The following RIT2 variants were observed in gnomAD, a reference collection of about 807,000 sequenced individuals.
RIT2 encodes Ras like without CAAX 2.
In RIT2, 24 loss-of-function variants were observed where a neutral mutation model predicts 23.7. The ratio of observed to expected loss-of-function variants is 1.01; its 90% CI spans 0.73 to 1.43. RIT2 has a LOEUF of 1.43. Among genes scored for constraint, RIT2 ranks in the 40% most tolerant of loss-of-function variants. The pLI, the probability that RIT2 is intolerant of heterozygous loss-of-function variation, is 0.00. For synonymous variants in RIT2, 107 were observed against 91.1 expected, an observed-to-expected ratio of 1.17 and a Z score of -0.99; for missense variants, 236 against 266.9, an observed-to-expected ratio of 0.88 and a Z score of 0.81.
rs1165731741 is a variant in RIT2, at chr18:43,061,514, C to G, written c.104-27647G>C. ...CCCCTGTGAAACCTGACCTTCAAGC[C>G]AAGAACAGTCTAAAGTCTAAAAACT... On this transcript the variant is annotated intron_variant, in intron 1 of 4. Transcript: ENST00000326695. Among the ~76,000 whole-genome samples the G allele has an allele frequency of 3.3e-5, 5 of 152,210 alleles. No individual in the cohort carries two copies. The East Asian group carries it at 9.7e-4, about 29-fold the overall frequency.
chr18:42,873,641 G>T (rs926785714), intron 4 of RIT2, among the ~76,000 whole-genome samples: 1 of 151,844 alleles, frequency 6.6e-6, no homozygotes, highest in African/African-American at 2.4e-5. Flanking sequence ...AAAAAGATGA[G>T]AATACATTAA....
chr18:42,851,533 T>C (rs906462913), intron 4 of RIT2, among the ~76,000 whole-genome samples: 1 of 151,994 alleles, frequency 6.6e-6, no homozygotes, highest in East Asian at 1.9e-4. Flanking sequence ...TGGTTTTCAA[T>C]TTTTTTTAAC....
intron 4 of RIT2, among the ~76,000 whole-genome samples, chr18:42,800,932 A>G (rs549336067): frequency 1.1e-4 from 16 of 152,132 alleles, no homozygotes; most frequent in African/African-American, 3.6e-4. Context: ...TCTCTACTTC[A>G]TTCTGTTAAT....
At chr18:43,076,602 T>A (rs1913024383) in intron 1 of RIT2, among the ~76,000 whole-genome samples, 1 of 152,046 alleles carries the variant, frequency 6.6e-6, no homozygotes, top group South Asian at 2.1e-4. Flanking sequence ...ACTGTGCAGG[T>A]CATTGAGGGT....
intron 4 of RIT2, among the ~76,000 whole-genome samples, chr18:42,830,354 T>G (rs530337545): frequency 6.6e-6 from 1 of 152,206 alleles, no homozygotes; most frequent in Non-Finnish European, 1.5e-5. Flanking sequence ...ACATTTGGAA[T>G]GGCAGTTTGA....
chr18:43,045,065 T>C (rs543877719), intron 1 of RIT2, among the ~76,000 whole-genome samples: 5 of 152,210 alleles, frequency 3.3e-5, no homozygotes, highest in African/African-American at 1.2e-4. Flanking sequence ...TTTTCACTAA[T>C]ATTTTCTCAA....
At position 42,743,341 on chromosome 18, in the gene RIT2, G is replaced by A. The variant is rs1912836289; in HGVS notation, c.*152C>T. On this transcript the variant is annotated 3_prime_UTR_variant, in exon 5 of 5. Coordinates refer to ENST00000326695, the MANE Select transcript of RIT2 (RefSeq NM_002930.4). ...TAAAGGCAAAACAAAACTATCTCAA[G>A]AGGTACAGATATGCAGAGCTTGCTT... 2 of 628,194 alleles carry A rather than the reference G, an allele frequency of 3.2e-6. No homozygotes were observed. Among genetic ancestry groups the A allele is most frequent in the Non-Finnish European group, 5.6e-6 (2 of 360,134 alleles). 38.9% of individuals were successfully genotyped at this position (628,194 alleles called of 1,614,324 possible). A position where few individuals can be genotyped will look rare whatever the true frequency, so the allele number is the denominator to read the frequency against.
At chr18:42,906,525 A>T (rs1052538373) in intron 4 of RIT2, among the ~76,000 whole-genome samples, 1 of 152,082 alleles carries the variant, frequency 6.6e-6, no homozygotes, top group African/African-American at 2.4e-5. Flanking sequence ...GGTAATTCTT[A>T]ATTTAAAAAG....
rs141058378 is a variant in RIT2, at chr18:42,862,845, C to T, written c.426+60727G>A. Among the ~76,000 whole-genome samples, 13 of 152,280 alleles carry T rather than the reference C, an allele frequency of 8.5e-5. No individual in the cohort carries two copies. In the East Asian group the frequency reaches 2.5e-3, roughly 29 times the overall value. On this transcript the variant is annotated intron_variant, in intron 4 of 4. Coordinates refer to ENST00000326695, the MANE Select transcript of RIT2 (RefSeq NM_002930.4). ...AACTCTCTATTCTGGGTTTATATAA[C>T]TCTCCCAACAAGATTATGAAACTCC... is the stretch of plus-strand genomic sequence containing the variant.
chr18:42,956,822 T>G (rs1198327465), intron 3 of RIT2, among the ~76,000 whole-genome samples: 1 of 152,094 alleles, frequency 6.6e-6, no homozygotes, highest in Non-Finnish European at 1.5e-5. Flanking sequence ...GTTTTGATCT[T>G]GATATGTTTC....
At chr18:43,071,651 C>A (rs931917714) in intron 1 of RIT2, among the ~76,000 whole-genome samples, 1 of 152,160 alleles carries the variant, frequency 6.6e-6, no homozygotes, top group Non-Finnish European at 1.5e-5. Flanking sequence ...GTATTATTTT[C>A]TCTTCTGAGA....
At position 42,857,544 on chromosome 18, in the gene RIT2, T is replaced by G. The variant is rs543101194; in HGVS notation, c.426+66028A>C. 3.9e-5 allele frequency among the ~76,000 whole-genome samples: 6 copies of G among 152,310 alleles called. No individual in the cohort carries two copies. The East Asian group carries it at 9.7e-4, about 25-fold the overall frequency. On this transcript the variant is annotated intron_variant, in intron 4 of 4. Coordinates refer to ENST00000326695, the MANE Select transcript of RIT2 (RefSeq NM_002930.4). Reference sequence around the variant, plus strand: ...ATAAATTACTAAAAATACCTTATTATAGAACAAGACAAGTCAAGACATTTT... The same window carrying G: ...ATAAATTACTAAAAATACCTTATTAGAGAACAAGACAAGTCAAGACATTTT...
At chr18:42,951,024 C>CT (rs1909839825) in intron 3 of RIT2, among the ~76,000 whole-genome samples, 1 of 152,106 alleles carries the variant, frequency 6.6e-6, no homozygotes, top group Admixed American at 6.6e-5. Flanking sequence ...TCTCAGAGAA[C>CT]TTAATGCAGA....
chr18:42,914,915 T>A (rs1377207878), intron 4 of RIT2, among the ~76,000 whole-genome samples: 1 of 152,022 alleles, frequency 6.6e-6, no homozygotes, highest in Non-Finnish European at 1.5e-5. Flanking sequence ...CATTTGTTTG[T>A]AACTTCTTGT....
intron 4 of RIT2, among the ~76,000 whole-genome samples, chr18:42,846,323 A>T (rs2144030530): frequency 6.6e-6 from 1 of 152,132 alleles, no homozygotes; most frequent in Non-Finnish European, 1.5e-5. Flanking sequence ...GAAAAAAATC[A>T]GAATAATTTT....
intron 4 of RIT2, among the ~76,000 whole-genome samples, chr18:42,747,077 A>C (rs1281746656): frequency 6.6e-6 from 1 of 152,082 alleles, no homozygotes; most frequent in Non-Finnish European, 1.5e-5. Flanking sequence ...GAAAGAAATA[A>C]AGGACATTCA....
chr18:43,049,219 A>G (rs1912320134), intron 1 of RIT2, among the ~76,000 whole-genome samples: 1 of 152,180 alleles, frequency 6.6e-6, no homozygotes, highest in Non-Finnish European at 1.5e-5. Flanking sequence ...TCCCTTTCAT[A>G]AACAATGACA....
chr18:42,765,289 A>G (rs1055053200), intron 4 of RIT2, among the ~76,000 whole-genome samples: 2 of 152,262 alleles, frequency 1.3e-5, no homozygotes, highest in African/African-American at 4.8e-5. Context: ...AAATGACTCA[A>G]TTCATGGACA....
chr18:42,918,541 T>C (rs753405371), intron 4 of RIT2, among the ~76,000 whole-genome samples: 2 of 152,128 alleles, frequency 1.3e-5, no homozygotes, highest in Non-Finnish European at 2.9e-5. Context: ...TTTATATAAA[T>C]TTTCCAATGC....
Sources: allele counts gnomAD v4.1 joint callset (sites outside exome capture counted in the v4.1 genomes callset), GRCh38; gene constraint gnomAD v4.1.1; transcripts MANE v1.5; gene names NCBI Gene and HGNC (gene_info 2026-07-23, HGNC 2026-07-21).